AZIN2: variants seen among roughly 807,000 people sequenced by gnomAD.
The protein encoded by AZIN2 is ODC antizyme inhibitor-2.
AZIN2 carries 28 observed loss-of-function variants against 47.8 expected under a neutral mutation model. The ratio of observed to expected loss-of-function variants is 0.59; its 90% confidence interval spans 0.43 to 0.80. The LOEUF is 0.80. AZIN2 is among the 30% of genes least tolerant of loss of function. The pLI, the probability that AZIN2 is intolerant of heterozygous loss-of-function variation, is 0.00. For missense variants in AZIN2, 535 were observed against 582.5 expected, an observed-to-expected ratio of 0.92 and a Z score of 0.84; for synonymous variants, 221 against 239.4, an observed-to-expected ratio of 0.92 and a Z score of 0.71.
At chr1:33,161,810 C>G in the AZIN2 span, among the ~76,000 whole-genome samples, 28,331 of 152,182 alleles carry the variant, frequency 0.19, 3,126 homozygotes, top group South Asian at 0.3. This position sits in a 1 kb window ranked among gnomAD's most constrained non-coding sequence, Gnocchi z 4.3. Context: ...TTAGCCCACT[C>G]GCCACCCTCT....
chr1:33,115,084 A>T (rs1319349525), intron 10 of AZIN2, among the ~76,000 whole-genome samples: 1 of 152,150 alleles, frequency 6.6e-6, no homozygotes, highest in Non-Finnish European at 1.5e-5. Context: ...TGCAGCCAGG[A>T]GGCTCCTTGT....
Position 33,096,696 on chromosome 1 carries a change from C to T in AZIN2, c.754-11C>T. 3 of 1,614,172 alleles carry T rather than the reference C, an allele frequency of 1.9e-6. No homozygotes were observed. The highest frequency in any genetic ancestry group is 2.5e-6 in the Non-Finnish European group (3 of 1,179,976). ...AAACACATAATTGTCTCCCCATTCT[C>T]CTCCTACCAGATTGCTTCCGTGATC... On this transcript the variant is annotated splice_polypyrimidine_tract_variant and intron_variant, in intron 8 of 11. Coordinates refer to ENST00000294517, the MANE Select transcript of AZIN2 (RefSeq NM_052998.4).
rs1016503152 is a variant in AZIN2 at position 33,122,603 on chromosome 1, G to C, written c.*2421G>C. On this transcript the variant is annotated 3_prime_UTR_variant, in exon 12 of 12. Transcript: ENST00000294517. ...GCAGGGGTCTCCTGGACCCCTGGCT[G>C]CATGGGCACTGCCTCCTCCAAGCTC... Among the ~76,000 whole-genome samples, 1 of 152,184 alleles carries C rather than the reference G, an allele frequency of 6.6e-6. No individual in the cohort carries two copies. Among genetic ancestry groups the C allele is most frequent in the Admixed American group, 6.5e-5 (1 of 15,288 alleles).
At chr1:33,158,332 A>G in the AZIN2 span, 2 of 1,613,926 alleles carry the variant, frequency 1.2e-6, no homozygotes, top group South Asian at 1.1e-5. Context: ...GGAAGTCTTC[A>G]TATGTGAGGT....
chr1:33,092,121 A>C lies in AZIN2; in HGVS notation c.351A>C (p.Gln117His). ...SKIICANPCK[Q>H]IAQIKYAAKH... ...TCATCTGCGCCAACCCCTGTAAGCAAATTGCACAGATCAAATATGCTGCCA... is the reference window on the plus strand; with the variant it reads ...TCATCTGCGCCAACCCCTGTAAGCACATTGCACAGATCAAATATGCTGCCA... Residue 117 changes from glutamine to histidine, a missense_variant, in exon 6 of 12, where the codon CAA becomes CAC. Physicochemically the swap from Gln to His is conservative, Grantham distance 24. Around this residue, in one of 3 missense-constraint regions of AZIN2, gnomAD observed 409 missense variants for 429.0 expected, o/e 0.95. Coordinates refer to ENST00000294517, the MANE Select transcript of AZIN2 (RefSeq NM_052998.4). 3.1e-6 allele frequency: 5 copies of C among 1,614,162 alleles called. No homozygotes were observed. Among genetic ancestry groups the C allele is most frequent in the Non-Finnish European group, 4.2e-6 (5 of 1,180,032 alleles).
Position 33,092,102 on chromosome 1 carries a change from G to C in AZIN2, c.332G>C (p.Cys111Ser). ...GGAATCCCTGCCAGTAAGATCATCT[G>C]CGCCAACCCCTGTAAGCAAATTGCA... ...HIGIPASKIICANPCKQIAQI... is the reference protein window; with the variant it reads ...HIGIPASKIISANPCKQIAQI... Residue 111 changes from cysteine to serine, a missense_variant, in exon 6 of 12, where the codon TGC (cysteine) becomes TCC (serine). Physicochemically the swap from Cys to Ser is moderately radical, Grantham distance 112. Around this residue, in one of 3 missense-constraint regions of AZIN2, gnomAD observed 409 missense variants for 429.0 expected, o/e 0.95. Transcript: ENST00000294517. 1 of 1,614,196 alleles carries C rather than the reference G, an allele frequency of 6.2e-7. No individual in the cohort carries two copies. Among genetic ancestry groups the C allele is most frequent in the Non-Finnish European group, 8.5e-7 (1 of 1,180,034 alleles).
intron 10 of AZIN2, 114 bp from the exon 11 acceptor site, chr1:33,117,788 C>T: frequency 1.7e-6 from 2 of 1,150,354 alleles, no homozygotes; most frequent in Admixed American, 3.4e-5. Flanking sequence ...GCTAGGAGGC[C>T]CATCTAGACT....
chr1:33,120,291 C>T lies in AZIN2; in HGVS notation c.*109C>T. 6.9e-7 allele frequency: 1 copy of T among 1,443,118 alleles called. No individual in the cohort carries two copies. Among genetic ancestry groups the T allele is most frequent in the South Asian group, 1.3e-5 (1 of 75,380 alleles). The allele number at this position is 1,443,118 out of a possible 1,614,324, so 89.4% of individuals were successfully genotyped here. A position where few individuals can be genotyped will look rare whatever the true frequency, so the allele number is the denominator to read the frequency against. ...CCCTTGGCCAGGACTCTGGTGCCCA[C>T]CCTGCCACCCCCGCGCTCCACCTGC... On this transcript the variant is annotated 3_prime_UTR_variant, in exon 12 of 12. Coordinates refer to ENST00000294517, the MANE Select transcript of AZIN2 (RefSeq NM_052998.4).
the AZIN2 span, among the ~76,000 whole-genome samples, chr1:33,149,597 G>A: frequency 6.6e-6 from 1 of 151,908 alleles, no homozygotes. Context: ...TGAGACTATA[G>A]GCATGCATCA....
chr1:33,127,844 A>C, downstream of AZIN2, among the ~76,000 whole-genome samples: 1 of 152,130 alleles, frequency 6.6e-6, no homozygotes, highest in Non-Finnish European at 1.5e-5. Flanking sequence ...ACTGCTTGCC[A>C]GGCCCTGCTC....
In AZIN2 at chr1:33,106,258, G is replaced by T. The variant is rs58157773; in HGVS notation, c.1029+8079G>T. Reference sequence around the variant, plus strand: ...TCTGAATAGACCAATAGTGAGTTAGGAGATTGAATCAGTAATCAAAAACCT... The same window carrying T: ...TCTGAATAGACCAATAGTGAGTTAGTAGATTGAATCAGTAATCAAAAACCT... On this transcript the variant is annotated intron_variant, in intron 10 of 11. Coordinates refer to ENST00000294517, the MANE Select transcript of AZIN2 (RefSeq NM_052998.4). 9.4e-3 allele frequency among the ~76,000 whole-genome samples: 1,424 copies of T among 152,236 alleles called. 22 individuals carry two copies. The highest frequency in any genetic ancestry group is 0.032 in the African/African-American group (1,322 of 41,536).
the AZIN2 span, chr1:33,165,411 C>G: frequency 6.8e-7 from 1 of 1,461,172 alleles, no homozygotes; most frequent in Non-Finnish European, 9.3e-7. The surrounding 1 kb of genome is among the most constrained non-coding windows in gnomAD (Gnocchi z 4.0). Flanking sequence ...GCTGGCCCCG[C>G]CCCTCGAAGC....
chr1:33,082,381 C>A (rs1387731760), intron 4 of AZIN2, 27 bp downstream of exon 4: 2 of 1,573,730 alleles, frequency 1.3e-6, no homozygotes, highest in African/African-American at 2.7e-5. Context: ...GGGGGTGGGT[C>A]CCCGGTCCCC....
chr1:33,166,160 A>G, the AZIN2 span: 116,964 of 152,524 alleles, frequency 0.77, 45,005 homozygotes, highest in African/African-American at 0.82. Context: ...ACTGTCTTCC[A>G]TCACCCCCAG....
chr1:33,103,043 G>A (rs1200260116), intron 10 of AZIN2, among the ~76,000 whole-genome samples: 1 of 152,038 alleles, frequency 6.6e-6, no homozygotes, highest in African/African-American at 2.4e-5. Context: ...TTCTTCCTCT[G>A]TCGCCACCCT....
intron 8 of AZIN2, 79 bp downstream of exon 8, chr1:33,094,792 C>T: frequency 6.6e-7 from 1 of 1,506,622 alleles, no homozygotes; most frequent in Non-Finnish European, 9.1e-7. Flanking sequence ...GGAGGGAGAC[C>T]ACCGTGCGTG....
chr1:33,116,804 T>C (rs1644564284), intron 10 of AZIN2, among the ~76,000 whole-genome samples: 1 of 152,100 alleles, frequency 6.6e-6, no homozygotes, highest in African/African-American at 2.4e-5. Context: ...ATTTGCAAAT[T>C]TGGGGCCTCA....
chr1:33,120,598 T>G lies in AZIN2; in HGVS notation c.*416T>G, dbSNP rs2075985. 0.23 allele frequency: 40,188 copies of G among 172,840 alleles called. 5,276 individuals carry two copies. The highest frequency in any genetic ancestry group is 0.32 in the South Asian group (2,718 of 8,382). 10.7% of individuals were successfully genotyped at this position (172,840 alleles called of 1,614,324 possible). Reference sequence around the variant, plus strand: ...GCCTGGGGCAGGATTTCCCCATCACTCACTGATGAGCCCACACCCTCTGCT... The same window carrying G: ...GCCTGGGGCAGGATTTCCCCATCACGCACTGATGAGCCCACACCCTCTGCT... On this transcript the variant is annotated 3_prime_UTR_variant, in exon 12 of 12. Transcript: ENST00000294517.
the AZIN2 span, among the ~76,000 whole-genome samples, chr1:33,133,366 T>G: frequency 1.3e-5 from 2 of 152,240 alleles, no homozygotes; most frequent in African/African-American, 2.4e-5. Flanking sequence ...AATACAGATC[T>G]GATAGGGCCT....
Sources: allele counts gnomAD v4.1 joint callset (sites outside exome capture counted in the v4.1 genomes callset), GRCh38; gene constraint gnomAD v4.1.1; regional missense constraint gnomAD v4.1.1; non-coding constraint Gnocchi (gnomAD v3.1); transcripts MANE v1.5; gene names NCBI Gene and HGNC (gene_info 2026-07-23, HGNC 2026-07-21).